Variants in WNK1 observed in about 807,000 individuals in gnomAD.
WNK1 encodes the protein serine/threonine-protein kinase WNK1.
WNK1 carries 38 observed loss-of-function variants against 222.8 expected under a neutral mutation model. That is an observed-to-expected ratio of 0.17 (90% CI 0.13 to 0.22). The LOEUF is 0.22. WNK1 is among the 10% of genes least tolerant of loss of function. The pLI, the probability that WNK1 is intolerant of heterozygous loss-of-function variation, is 1.00. For missense variants in WNK1, 2,348 were observed against 2,918.4 expected, an observed-to-expected ratio of 0.80 and a Z score of 4.50; for synonymous variants, 1,090 against 1,092.9, an observed-to-expected ratio of 1.00 and a Z score of 0.05.
At chr12:878,705 T>C (rs1952845747) in intron 10 of WNK1, among the ~76,000 whole-genome samples, 1 of 152,050 alleles carries the variant, frequency 6.6e-6, no homozygotes, top group South Asian at 2.1e-4. Context: ...CCTAGAATTG[T>C]GTCAGCTATG....
Position 885,899 on chromosome 12 carries a change from C to T in WNK1, c.5095C>T (p.Pro1699Ser). The T allele has an allele frequency of 1.2e-6, 2 of 1,610,004 alleles. No individual in the cohort carries two copies. The highest frequency in any genetic ancestry group is 1.7e-6 in the Non-Finnish European group (2 of 1,177,186). The change falls in exon 19 of 28, where the codon CCA (proline) becomes TCA (serine). Residue 1699 changes from proline to serine, a missense_variant. Pro to Ser is a moderately conservative substitution (Grantham distance 74). Around this residue, in one of 13 missense-constraint regions of WNK1, gnomAD observed 1,144 missense variants for 1,273.6 expected, o/e 0.90. Transcript: ENST00000315939. ...TPGIPTTAVA[P>S]SKLLTSTTST... The stretch of plus-strand genomic sequence containing the variant: ...AGGCATCCCAACTACTGCTGTTGCA[C>T]CAAGCAAACTCCTGACTTCTACCAC...
chr12:819,891 T>C (rs1243181940), intron 2 of WNK1, among the ~76,000 whole-genome samples: 1 of 152,234 alleles, frequency 6.6e-6, no homozygotes, highest in East Asian at 1.9e-4. Flanking sequence ...GGTTTATTTC[T>C]GGACTCTCAA....
chr12:862,419 G>A, intron 8 of WNK1, 149 bp downstream of exon 8: 1 of 881,576 alleles, frequency 1.1e-6, no homozygotes, highest in East Asian at 2.7e-5. Context: ...TTATAGAGTA[G>A]GATATAGACA....
intron 2 of WNK1, among the ~76,000 whole-genome samples, chr12:823,900 CTTTTT>C (rs10543848): frequency 8.9e-5 from 9 of 101,428 alleles, no homozygotes; most frequent in Non-Finnish European, 3.9e-5. Context: ...TCAGAGACAT[CTTTTT>C]TTTTTTTTTT....
intron 1 of WNK1, among the ~76,000 whole-genome samples, chr12:799,197 T>C (rs1245727811): frequency 6.6e-6 from 1 of 152,044 alleles, no homozygotes; most frequent in Non-Finnish European, 1.5e-5. Flanking sequence ...AATTTCAGCT[T>C]ACAGCAGCCT....
chr12:766,912 G>A (rs1358125485), intron 1 of WNK1, among the ~76,000 whole-genome samples: 1 of 152,122 alleles, frequency 6.6e-6, no homozygotes, highest in Non-Finnish European at 1.5e-5. Flanking sequence ...AAGCAGCTGG[G>A]ATTACAGGTG....
At chr12:840,249 T>C (rs1949519747) in intron 4 of WNK1, among the ~76,000 whole-genome samples, 1 of 151,570 alleles carries the variant, frequency 6.6e-6, no homozygotes, top group African/African-American at 2.4e-5. Context: ...TGCCTCAGCC[T>C]TCTGAATCGC....
At chr12:876,987 ATGT>A (rs1952677404) in intron 9 of WNK1, among the ~76,000 whole-genome samples, 1 of 151,226 alleles carries the variant, frequency 6.6e-6, no homozygotes, top group Non-Finnish European at 1.5e-5. Flanking sequence ...TTACAAGCAG[ATGT>A]TGTATTAAAG....
chr12:884,971 C>T lies in WNK1; in HGVS notation c.4167C>T (p.Ser1389=), dbSNP rs56088924. ...AGGGGATTGCTGGAGTTGCCACCAG[C>T]ACAGGTGTGGTAACTTCAGGTGGTC... The part of the protein sequence containing the change: ...TEEGIAGVAT[S]TGVVTSGGLP... The change falls in exon 19 of 28, where the codon AGC becomes AGT. Residue 1389 remains serine (S), a synonymous_variant. Coordinates refer to ENST00000315939, the MANE Select transcript of WNK1 (RefSeq NM_018979.4). The surrounding 1 kb of genome is among the most constrained non-coding windows in gnomAD (Gnocchi z 5.6). 1 of 1,614,168 alleles carries T rather than the reference C, an allele frequency of 6.2e-7. No individual in the cohort carries two copies. Among genetic ancestry groups the T allele is most frequent in the Non-Finnish European group, 8.5e-7 (1 of 1,180,016 alleles).
At chr12:874,662 C>T (rs1952452844) in intron 9 of WNK1, among the ~76,000 whole-genome samples, 1 of 151,976 alleles carries the variant, frequency 6.6e-6, no homozygotes, top group South Asian at 2.1e-4. Flanking sequence ...AGGATAATAG[C>T]TAATATTAAA....
chr12:877,554 C>T (rs1164999128), intron 9 of WNK1, among the ~76,000 whole-genome samples: 1 of 152,090 alleles, frequency 6.6e-6, no homozygotes, highest in Non-Finnish European at 1.5e-5. Flanking sequence ...ATAGTAGATT[C>T]CCAGGTGTCA....
intron 2 of WNK1, 87 bp from the exon 3 acceptor site, chr12:826,955 T>G (rs900352260): frequency 1.7e-5 from 18 of 1,046,288 alleles, no homozygotes; most frequent in Non-Finnish European, 2.6e-5. Flanking sequence ...TATTCCCATC[T>G]CCAGTCATGT....
Position 871,177 on chromosome 12 carries a change from G to T in WNK1, c.2140-88G>T, listed in dbSNP as rs545170222. 3.2e-6 allele frequency: 4 copies of T among 1,234,262 alleles called. No homozygotes were observed. In the African/African-American group the frequency reaches 4.4e-5, roughly 14 times the overall value. 76.5% of individuals were successfully genotyped at this position (1,234,262 alleles called of 1,614,324 possible). On this transcript the variant is annotated intron_variant, in intron 8 of 27. Coordinates refer to ENST00000315939, the MANE Select transcript of WNK1 (RefSeq NM_018979.4). ...TTCATTTTGATCAAGCAAACTCTGA[G>T]GAGATTAAATATTCATTGCAAAAGC...
At chr12:811,092 A>C (rs746552547) in intron 1 of WNK1, among the ~76,000 whole-genome samples, 16 of 152,198 alleles carry the variant, frequency 1.1e-4, no homozygotes, top group Non-Finnish European at 1.8e-4. Context: ...CCCCAGGAAT[A>C]TCCAGCTCCA....
intron 1 of WNK1, among the ~76,000 whole-genome samples, chr12:789,942 C>T (rs1944681149): frequency 6.6e-6 from 1 of 152,184 alleles, no homozygotes; most frequent in African/African-American, 2.4e-5. Flanking sequence ...AGTTGTGGGT[C>T]ACATGGCTTT....
rs1780441819 is a variant in WNK1, at chr12:908,851, G to GT, written c.*60dup. 1 of 1,299,804 alleles carries GT rather than the reference G, an allele frequency of 7.7e-7. No homozygotes were observed. The highest frequency in any genetic ancestry group is 1.1e-6 in the Non-Finnish European group (1 of 903,984). The allele number at this position is 1,299,804 out of a possible 1,614,324, so 80.5% of individuals were successfully genotyped here. A position where few individuals can be genotyped will look rare whatever the true frequency, so the allele number is the denominator to read the frequency against. ...AGGAGATGGAATGCTGAGGGGGTGG[G>GT]TGGGGGTGGGAAGTAGCCTATATAC... is the stretch of plus-strand genomic sequence containing the variant. On this transcript the variant is annotated 3_prime_UTR_variant, in exon 28 of 28. Coordinates refer to ENST00000315939, the MANE Select transcript of WNK1 (RefSeq NM_018979.4).
At chr12:893,924 A>T (rs1051274115) in intron 22 of WNK1, among the ~76,000 whole-genome samples, 7 of 151,950 alleles carry the variant, frequency 4.6e-5, no homozygotes, top group Admixed American at 3.3e-4. Context: ...TTTTCATTTA[A>T]CAATGGATCT....
rs1054941575 is a variant in WNK1, at chr12:767,066, C to T, written c.759+12742C>T. ...TGTTGGGATTACAGGCGTGAGCCAC[C>T]GTGCCCGGCCCTAGATGTTCTTTAG... On this transcript the variant is annotated intron_variant, in intron 1 of 27. Transcript: ENST00000315939. Among the ~76,000 whole-genome samples, 255 of 152,254 alleles carry T rather than the reference C, an allele frequency of 1.7e-3. 3 individuals carry two copies. Among genetic ancestry groups the T allele is most frequent in the African/African-American group, 5.9e-3 (244 of 41,550 alleles).
intron 1 of WNK1, among the ~76,000 whole-genome samples, chr12:812,849 G>GA (rs1271828183): frequency 2.0e-5 from 3 of 151,832 alleles, no homozygotes; most frequent in Admixed American, 6.6e-5. Context: ...GTTGGAAGGG[G>GA]AAAAAAAGAG....
Sources: gnomAD v4.1 joint callset for allele counts (sites outside exome capture counted in the v4.1 genomes callset) on GRCh38, gnomAD v4.1.1 for gene constraint, gnomAD v4.1.1 regional missense constraint, Gnocchi (gnomAD v3.1) non-coding constraint, MANE v1.5 for transcripts, NCBI Gene and HGNC (gene_info 2026-07-23, HGNC 2026-07-21) for gene names.